MPPED2: variants seen among roughly 807,000 people sequenced by gnomAD.
The protein encoded by MPPED2 is metallophosphoesterase MPPED2.
In MPPED2, 5 loss-of-function variants were observed where a neutral mutation model predicts 33.0. That is an observed-to-expected ratio of 0.15 (90% CI 0.08 to 0.32). The LOEUF is 0.32. Among genes scored for constraint, MPPED2 ranks in the 10% least tolerant of loss-of-function variants. The pLI is 1.00. For synonymous variants in MPPED2, 136 were observed against 141.9 expected, an observed-to-expected ratio of 0.96 and a Z score of 0.29; for missense variants, 275 against 372.1, an observed-to-expected ratio of 0.74 and a Z score of 2.15.
chr11:30,552,758 C>G (rs1041820472), intron 2 of MPPED2, among the ~76,000 whole-genome samples: 2 of 152,106 alleles, frequency 1.3e-5, no homozygotes, highest in Non-Finnish European at 2.9e-5. Context: ...TGCTATACCC[C>G]CCAAAGGCTT....
intron 3 of MPPED2, among the ~76,000 whole-genome samples, chr11:30,500,801 A>G (rs1227661343): frequency 6.6e-6 from 1 of 152,226 alleles, no homozygotes; most frequent in Non-Finnish European, 1.5e-5. Flanking sequence ...CGTATCTTCA[A>G]AATGGCAGAC....
chr11:30,523,860 T>G (rs1322627761), intron 3 of MPPED2, among the ~76,000 whole-genome samples: 1 of 151,816 alleles, frequency 6.6e-6, no homozygotes, highest in South Asian at 2.1e-4. Context: ...ACCAAAGAGG[T>G]GGCATTTGAG....
At chr11:30,490,163 G>A (rs1951913817) in intron 4 of MPPED2, among the ~76,000 whole-genome samples, 1 of 152,168 alleles carries the variant, frequency 6.6e-6, no homozygotes, top group Non-Finnish European at 1.5e-5. Context: ...TGAGAAAGAT[G>A]TTACAGAGCT....
chr11:30,437,619 T>C (rs1296768449), intron 4 of MPPED2, among the ~76,000 whole-genome samples: 1 of 152,212 alleles, frequency 6.6e-6, no homozygotes, highest in African/African-American at 2.4e-5. Flanking sequence ...CCAGCCTTCC[T>C]CTACCCAGTT....
intron 6 of MPPED2, 132 bp downstream of exon 6, chr11:30,414,096 A>T: frequency 1.6e-6 from 1 of 640,348 alleles, no homozygotes; most frequent in Non-Finnish European, 2.8e-6. Context: ...GATGTTTCTC[A>T]TAAGACTTCA....
chr11:30,456,541 TGTGTGTGTGC>T (rs1287094969), intron 4 of MPPED2, among the ~76,000 whole-genome samples: 1 of 151,652 alleles, frequency 6.6e-6, no homozygotes, highest in African/African-American at 2.4e-5. Flanking sequence ...TCCCCAATCC[TGTGTGTGTGC>T]GTGTGTGTGT....
At chr11:30,565,576 CA>C (rs1956410061) in intron 2 of MPPED2, among the ~76,000 whole-genome samples, 1 of 152,136 alleles carries the variant, frequency 6.6e-6, no homozygotes, top group South Asian at 2.1e-4. Context: ...AGCCAAAGGT[CA>C]TCTCCAGAAA....
intron 2 of MPPED2, among the ~76,000 whole-genome samples, chr11:30,560,819 G>A (rs1241854483): frequency 6.6e-6 from 1 of 152,080 alleles, no homozygotes; most frequent in Non-Finnish European, 1.5e-5. Context: ...TATAGAGCAG[G>A]CCCATAGTCA....
chr11:30,453,981 G>A (rs542713864), intron 4 of MPPED2, among the ~76,000 whole-genome samples: 3 of 152,116 alleles, frequency 2.0e-5, no homozygotes, highest in Non-Finnish European at 2.9e-5. Flanking sequence ...GGGGAGTGTC[G>A]TCTCTTTCCC....
At chr11:30,554,109 C>T (rs1302506951) in intron 2 of MPPED2, among the ~76,000 whole-genome samples, 2 of 152,176 alleles carry the variant, frequency 1.3e-5, no homozygotes, top group Admixed American at 6.5e-5. Flanking sequence ...AATTTCTCAG[C>T]AACTGCAGAG....
chr11:30,527,493 G>C (rs899913235), intron 3 of MPPED2, among the ~76,000 whole-genome samples: 1 of 151,920 alleles, frequency 6.6e-6, no homozygotes, highest in Non-Finnish European at 1.5e-5. Context: ...GACGCTGGAG[G>C]GGAGAGAGAG....
At chr11:30,489,548 T>C (rs1951881879) in intron 4 of MPPED2, among the ~76,000 whole-genome samples, 1 of 152,236 alleles carries the variant, frequency 6.6e-6, no homozygotes, top group East Asian at 1.9e-4. Flanking sequence ...CAACAGACTT[T>C]CTCTTCCTAT....
chr11:30,483,712 AT>A (rs1041520333), intron 4 of MPPED2, among the ~76,000 whole-genome samples: 1 of 151,604 alleles, frequency 6.6e-6, no homozygotes, highest in African/African-American at 2.4e-5. Flanking sequence ...ACAATAAAAC[AT>A]TTTTTTTTCC....
At chr11:30,387,847 G>C (rs1199183998) in exon 7 of MPPED2, 1 of 152,242 alleles carries the variant, frequency 6.6e-6, no homozygotes, top group South Asian at 2.1e-4. Context: ...TAAATACCCA[G>C]ACCTGGCCCT....
At chr11:30,474,759 G>C (rs952522906) in intron 4 of MPPED2, among the ~76,000 whole-genome samples, 1 of 152,098 alleles carries the variant, frequency 6.6e-6, no homozygotes, top group Non-Finnish European at 1.5e-5. Flanking sequence ...TCTGGATCAA[G>C]CTATTCTCGG....
chr11:30,450,830 C>A (rs907602456), intron 4 of MPPED2, among the ~76,000 whole-genome samples: 1 of 152,174 alleles, frequency 6.6e-6, no homozygotes, highest in East Asian at 1.9e-4. Context: ...AGATTATTAG[C>A]CCCCTTTTTC....
intron 4 of MPPED2, among the ~76,000 whole-genome samples, chr11:30,463,744 A>G (rs1018644152): frequency 2.6e-5 from 4 of 152,198 alleles, no homozygotes; most frequent in African/African-American, 9.6e-5. Flanking sequence ...ATATGGAGAC[A>G]ATAGATTGCA....
chr11:30,537,562 T>A (rs1042284124), intron 2 of MPPED2, among the ~76,000 whole-genome samples: 1 of 152,138 alleles, frequency 6.6e-6, no homozygotes, highest in African/African-American at 2.4e-5. Context: ...ATAGAAGAGA[T>A]CAGTGTGCAA....
At chr11:30,461,353 T>C (rs544535506) in intron 4 of MPPED2, among the ~76,000 whole-genome samples, 2 of 152,102 alleles carry the variant, frequency 1.3e-5, no homozygotes, top group Non-Finnish European at 2.9e-5. Flanking sequence ...ACTTAAAAAA[T>C]AGTTAAAAAT....
Sources: gnomAD v4.1 joint callset for allele counts (sites outside exome capture counted in the v4.1 genomes callset) on GRCh38, gnomAD v4.1.1 for gene constraint, MANE v1.5 for transcripts, NCBI Gene and HGNC (gene_info 2026-07-23, HGNC 2026-07-21) for gene names.